Variants in TOX observed in about 807,000 individuals in gnomAD.
TOX encodes the protein thymocyte selection-associated high mobility group box protein TOX.
In TOX, 11 loss-of-function variants were observed where a neutral mutation model predicts 53.7. That is an observed-to-expected ratio of 0.20 (90% CI 0.13 to 0.34). The LOEUF is 0.34. TOX is among the 10% of genes least tolerant of loss of function. The pLI, the probability that TOX is intolerant of heterozygous loss-of-function variation, is 1.00. For missense variants in TOX, 570 were observed against 664.6 expected (o/e 0.86, Z 1.56); for synonymous variants, 225 against 245.3 (o/e 0.92, Z 0.77).
chr8:58,897,194 C>G (rs931653697), intron 3 of TOX, among the ~76,000 whole-genome samples: 1 of 152,160 alleles, frequency 6.6e-6, no homozygotes, highest in Non-Finnish European at 1.5e-5. Context: ...AAATGCCCTG[C>G]CTTTCCCAGA....
chr8:58,895,197 T>G (rs1186687307), intron 3 of TOX, among the ~76,000 whole-genome samples: 1 of 151,890 alleles, frequency 6.6e-6, no homozygotes, highest in Non-Finnish European at 1.5e-5. Context: ...CCAAAATAAA[T>G]AGATAGATAG....
intron 5 of TOX, among the ~76,000 whole-genome samples, chr8:58,832,819 T>C (rs1229281813): frequency 1.3e-5 from 2 of 152,156 alleles, no homozygotes; most frequent in Non-Finnish European, 2.9e-5. Context: ...TCACGAGGCG[T>C]CAAACATAGG....
At chr8:59,088,315 A>G (rs1449601180) in intron 1 of TOX, among the ~76,000 whole-genome samples, 2 of 152,210 alleles carry the variant, frequency 1.3e-5, no homozygotes, top group African/African-American at 4.8e-5. Context: ...TATGCTTTGT[A>G]TGCTTACGAA....
rs564107416 is a variant in TOX, at chr8:58,874,229, T to G, written c.412-22424A>C. Among the ~76,000 whole-genome samples the G allele has an allele frequency of 1.9e-3, 281 of 151,632 alleles. 2 individuals are homozygous for G. Among genetic ancestry groups the G allele is most frequent in the Middle Eastern group, 3.4e-3 (1 of 294 alleles). On this transcript the variant is annotated intron_variant, in intron 3 of 8. Coordinates refer to ENST00000361421, the MANE Select transcript of TOX (RefSeq NM_014729.3). The stretch of plus-strand genomic sequence containing the variant: ...TCTGCCCCCTGCCCTTTGGTAGATT[T>G]TTTTAAAAAAAACTTTTGGTATTAA...
chr8:58,970,546 T>C (rs1056153846), intron 1 of TOX, among the ~76,000 whole-genome samples: 3 of 152,152 alleles, frequency 2.0e-5, no homozygotes, highest in African/African-American at 4.8e-5. Context: ...CACCAGAAGG[T>C]AATCCTTCCC....
chr8:59,037,164 C>G (rs555535396), intron 1 of TOX, among the ~76,000 whole-genome samples: 30 of 135,102 alleles, frequency 2.2e-4, no homozygotes, highest in African/African-American at 8.8e-4. Context: ...TGTTTCCAAG[C>G]TCCTTTTTTT....
At chr8:58,926,965 C>A (rs1043723216) in intron 3 of TOX, among the ~76,000 whole-genome samples, 1 of 152,028 alleles carries the variant, frequency 6.6e-6, no homozygotes, top group African/African-American at 2.4e-5. Flanking sequence ...GGACCTACAA[C>A]TTTAGGTACT....
rs183783501 is a variant in TOX, at chr8:58,909,811, C to T, written c.411+29491G>A. Among the ~76,000 whole-genome samples the T allele has an allele frequency of 9.9e-5, 15 of 152,240 alleles. No individual in the cohort carries two copies. In the East Asian group the frequency reaches 2.9e-3, roughly 29 times the overall value. On this transcript the variant is annotated intron_variant, in intron 3 of 8. Transcript: ENST00000361421. ...TAGCTAGGATTACAGGTGCCCATCA[C>T]TACACCCAGCTAATTTTTGTATTTT...
Position 59,071,864 on chromosome 8 carries a change from G to A in TOX, c.102+47022C>T, listed in dbSNP as rs924454744. On this transcript the variant is annotated intron_variant, in intron 1 of 8. Transcript: ENST00000361421. ...AATCTGGATAAATTAGATATTTAAA[G>A]GAAATTCCAATCATTTTAATTCTTC... 1.2e-4 allele frequency among the ~76,000 whole-genome samples: 19 copies of A among 152,194 alleles called. 1 individual carries two copies. The highest frequency in any genetic ancestry group is 9.2e-4 in the Admixed American group (14 of 15,298).
intron 1 of TOX, among the ~76,000 whole-genome samples, chr8:59,072,711 T>C (rs1399415674): frequency 6.6e-6 from 1 of 152,200 alleles, no homozygotes; most frequent in Non-Finnish European, 1.5e-5. Context: ...TTCCTGTCAC[T>C]TATCGCTTAT....
At chr8:59,043,675 T>A (rs796336397) in intron 1 of TOX, among the ~76,000 whole-genome samples, 3 of 152,184 alleles carry the variant, frequency 2.0e-5, no homozygotes, top group African/African-American at 7.2e-5. Context: ...ATTCCTGAAA[T>A]TGTATTCATT....
intron 3 of TOX, among the ~76,000 whole-genome samples, chr8:58,883,446 G>T (rs1253485337): frequency 6.6e-6 from 1 of 152,174 alleles, no homozygotes; most frequent in African/African-American, 2.4e-5. Flanking sequence ...TATTTTTAGT[G>T]TGGCCAATAA....
chr8:58,922,427 T>C (rs1812089410), intron 3 of TOX, among the ~76,000 whole-genome samples: 1 of 152,264 alleles, frequency 6.6e-6, no homozygotes, highest in Admixed American at 6.5e-5. Context: ...CCTGCTTCTA[T>C]GGAATCCCTG....
intron 3 of TOX, among the ~76,000 whole-genome samples, chr8:58,922,302 C>T (rs898797145): frequency 4.6e-5 from 7 of 152,090 alleles, no homozygotes; most frequent in South Asian, 2.1e-4. Context: ...AAAGATAAGA[C>T]GTAACGTATA....
rs115236017 is a variant in TOX at position 59,030,826 on chromosome 8, T to C, written c.103-70818A>G. Among the ~76,000 whole-genome samples the C allele has an allele frequency of 3.6e-3, 554 of 152,310 alleles. 6 individuals are homozygous for C. The highest frequency in any genetic ancestry group is 0.013 in the African/African-American group (531 of 41,576). Reference sequence around the variant, plus strand: ...AAAAGTAGGCATTACCTGTGTGTGTTTTCAATGGGAATCAGAATTTCCTCT... The same window carrying C: ...AAAAGTAGGCATTACCTGTGTGTGTCTTCAATGGGAATCAGAATTTCCTCT... On this transcript the variant is annotated intron_variant, in intron 1 of 8. Coordinates refer to ENST00000361421, the MANE Select transcript of TOX (RefSeq NM_014729.3).
intron 1 of TOX, among the ~76,000 whole-genome samples, chr8:58,986,676 T>C (rs1813334799): frequency 6.6e-6 from 1 of 152,142 alleles, no homozygotes; most frequent in African/African-American, 2.4e-5. Flanking sequence ...AGCCAAGAGA[T>C]TTATCAAGCA....
At chr8:58,825,160 G>A (rs1308863919) in intron 6 of TOX, among the ~76,000 whole-genome samples, 1 of 152,084 alleles carries the variant, frequency 6.6e-6, no homozygotes, top group Non-Finnish European at 1.5e-5. Flanking sequence ...AAGTTACAAT[G>A]CAAATATCCA....
At chr8:58,936,829 C>T (rs938450431) in intron 3 of TOX, among the ~76,000 whole-genome samples, 9 of 152,178 alleles carry the variant, frequency 5.9e-5, no homozygotes, top group Non-Finnish European at 1.2e-4. Flanking sequence ...GAATCAACAT[C>T]ATTAACGAGA....
chr8:59,055,888 A>G (rs1803880308), intron 1 of TOX, among the ~76,000 whole-genome samples: 1 of 152,090 alleles, frequency 6.6e-6, no homozygotes, highest in Non-Finnish European at 1.5e-5. Flanking sequence ...TACAACTTAA[A>G]CAAGACTACA....
Sources: allele counts gnomAD v4.1 joint callset (sites outside exome capture counted in the v4.1 genomes callset), GRCh38; gene constraint gnomAD v4.1.1; transcripts MANE v1.5; gene names NCBI Gene and HGNC (gene_info 2026-07-23, HGNC 2026-07-21).